USP37: variants seen among roughly 807,000 people sequenced by gnomAD.
USP37 encodes ubiquitin specific peptidase 37.
Under a neutral mutation model 124.0 loss-of-function variants are expected in USP37, and 27 were observed. That is an observed-to-expected ratio of 0.22 (90% confidence interval 0.16 to 0.30). USP37 has a LOEUF of 0.30. USP37 is among the 10% of genes least tolerant of loss of function. The probability of loss-of-function intolerance (pLI) is 1.00; values close to 1 mark genes in which losing one functional copy is unlikely to be tolerated. For missense variants in USP37, 889 were observed against 1,140.4 expected, an observed-to-expected ratio of 0.78 and a Z score of 3.17; for synonymous variants, 365 against 388.0, an observed-to-expected ratio of 0.94 and a Z score of 0.70.
At position 218,455,630 on chromosome 2, in the gene USP37, G is replaced by A. The variant is rs762286951; in HGVS notation, c.2802C>T (p.Ala934=). 17 of 1,613,962 alleles carry A rather than the reference G, an allele frequency of 1.1e-5. No homozygotes were observed. The highest frequency in any genetic ancestry group is 6.6e-5 in the South Asian group (6 of 91,078). Residue 934 remains alanine, a synonymous_variant, in exon 25 of 26, where the codon GCC becomes GCT. Coordinates refer to ENST00000258399, the MANE Select transcript of USP37 (RefSeq NM_020935.3). ...DLEVSKIQEA[A]VQSDRDRSGY... Reference sequence around the variant, plus strand: ...CACTCCGATCTCGATCACTCTGCACGGCAGCCTCTTGGATTTTTGATACCT... The same window carrying A: ...CACTCCGATCTCGATCACTCTGCACAGCAGCCTCTTGGATTTTTGATACCT...
chr2:218,557,789 G>C (rs1239717159), intron 4 of USP37, among the ~76,000 whole-genome samples: 1 of 146,054 alleles, frequency 6.8e-6, no homozygotes, highest in Non-Finnish European at 1.5e-5. Context: ...AAATTAGCCA[G>C]GAGTGGTGGC....
At chr2:218,487,694 C>T (rs1239482158) in intron 15 of USP37, among the ~76,000 whole-genome samples, 1 of 151,926 alleles carries the variant, frequency 6.6e-6, no homozygotes, top group East Asian at 1.9e-4. Flanking sequence ...GCTGGGATTA[C>T]AGGTGTGAGC....
At chr2:218,505,025 T>A (rs1416577591) in intron 11 of USP37, among the ~76,000 whole-genome samples, 1 of 152,014 alleles carries the variant, frequency 6.6e-6, no homozygotes, top group African/African-American at 2.4e-5. Context: ...GAAAAAAAAA[T>A]TTGGGGGGAA....
At chr2:218,472,658 G>A (rs1479266076) in intron 20 of USP37, among the ~76,000 whole-genome samples, 1 of 151,806 alleles carries the variant, frequency 6.6e-6, no homozygotes, top group Non-Finnish European at 1.5e-5. Context: ...TAGAGATGGG[G>A]TTTCACCATG....
chr2:218,554,067 T>C (rs1692808674), intron 4 of USP37, among the ~76,000 whole-genome samples: 1 of 152,222 alleles, frequency 6.6e-6, no homozygotes, highest in African/African-American at 2.4e-5. Flanking sequence ...ATGAAAACTT[T>C]TTATTTTATA....
At position 218,503,740 on chromosome 2, in the gene USP37, G is replaced by A. The variant is rs549454566; in HGVS notation, c.1026-5583C>T. Among the ~76,000 whole-genome samples the A allele has an allele frequency of 2.0e-5, 3 of 152,032 alleles. No homozygotes were observed. In the East Asian group the frequency reaches 5.8e-4, roughly 29 times the overall value. On this transcript the variant is annotated intron_variant, in intron 11 of 25. Coordinates refer to ENST00000258399, the MANE Select transcript of USP37 (RefSeq NM_020935.3). Reference sequence around the variant, plus strand: ...CAAAAAAGAAAAAGAAAAAGAAAAAGCAGTAAAATGTATGATAACAGTATA... The same window carrying A: ...CAAAAAAGAAAAAGAAAAAGAAAAAACAGTAAAATGTATGATAACAGTATA...
chr2:218,466,082 C>T lies in USP37; in HGVS notation c.2394G>A (p.Gln798=). The change falls in exon 21 of 26, where the codon CAG becomes CAA. Residue 798 remains glutamine (Q), a synonymous_variant. Transcript: ENST00000258399. ...CCCTTTCACGCTCCATATCATACTG[C>T]TGGAGCCAATCAACTTCTCCCTGAG... ...EGSQGEVDWL[Q]QYDMEREREE... 1.2e-6 allele frequency: 2 copies of T among 1,614,028 alleles called. No individual in the cohort carries two copies. The highest frequency in any genetic ancestry group is 1.7e-6 in the Non-Finnish European group (2 of 1,180,010).
chr2:218,519,989 G>A (rs531190705), intron 10 of USP37, among the ~76,000 whole-genome samples: 1 of 152,224 alleles, frequency 6.6e-6, no homozygotes, highest in Non-Finnish European at 1.5e-5. Context: ...CCATGCTGGA[G>A]TACAATGGTG....
At chr2:218,563,288 T>TA (rs1693412448) in intron 1 of USP37, among the ~76,000 whole-genome samples, 1 of 151,946 alleles carries the variant, frequency 6.6e-6, no homozygotes, top group Admixed American at 6.6e-5. Flanking sequence ...GAGACACACA[T>TA]AAAAGATCAA....
Position 218,487,661 on chromosome 2 carries a change from C to T in USP37, c.1590+643G>A, listed in dbSNP as rs554350587. Among the ~76,000 whole-genome samples, 553 of 152,064 alleles carry T rather than the reference C, an allele frequency of 3.6e-3. 1 individual carries two copies. Among genetic ancestry groups the T allele is most frequent in the Non-Finnish European group, 6.1e-3 (413 of 67,976 alleles). On this transcript the variant is annotated intron_variant, in intron 15 of 25. Coordinates refer to ENST00000258399, the MANE Select transcript of USP37 (RefSeq NM_020935.3). ...ATCTTGATCTCTTGACCTTGTGAACCGCCTGCCTTGGCCTCCCAAAGTGCT... is the reference window on the plus strand; with the variant it reads ...ATCTTGATCTCTTGACCTTGTGAACTGCCTGCCTTGGCCTCCCAAAGTGCT...
chr2:218,464,916 A>G (rs1027941826), intron 21 of USP37, among the ~76,000 whole-genome samples: 1 of 151,002 alleles, frequency 6.6e-6, no homozygotes, highest in African/African-American at 2.4e-5. Context: ...CACTGTCTTT[A>G]CTAAAAATAA....
At chr2:218,496,379 CCCTT>C (rs1339344790) in intron 13 of USP37, among the ~76,000 whole-genome samples, 3 of 151,842 alleles carry the variant, frequency 2.0e-5, no homozygotes, top group Non-Finnish European at 2.9e-5. Context: ...ACAGTGAAAA[CCCTT>C]GAAAGTCAAT....
Position 218,452,192 on chromosome 2 carries a change from T to C in USP37, c.*2738A>G, listed in dbSNP as rs978841818. The stretch of plus-strand genomic sequence containing the variant: ...TAATTGCCATCAAGTTCCAATTCAA[T>C]GTCATTTAAAGTAATGTAACCACAC... On this transcript the variant is annotated 3_prime_UTR_variant, in exon 26 of 26. Transcript: ENST00000258399. 6.6e-6 allele frequency: 1 copy of C among 152,126 alleles called. No homozygotes were observed. Among genetic ancestry groups the C allele is most frequent in the South Asian group, 2.1e-4 (1 of 4,828 alleles). 9.4% of individuals were successfully genotyped at this position (152,126 alleles called of 1,614,324 possible).
intron 11 of USP37, among the ~76,000 whole-genome samples, chr2:218,499,303 C>A (rs199856101): frequency 1.4e-5 from 2 of 144,826 alleles, no homozygotes; most frequent in Non-Finnish European, 3.1e-5. Context: ...CAAAAAAAAA[C>A]CTTTTAATTT....
intron 13 of USP37, among the ~76,000 whole-genome samples, 182 bp from the exon 14 acceptor site, chr2:218,496,132 A>G (rs1689067457): frequency 6.6e-6 from 1 of 152,108 alleles, no homozygotes; most frequent in African/African-American, 2.4e-5. Context: ...CATCTTTATT[A>G]AAAATACAAA....
chr2:218,531,921 G>A (rs542510504), intron 9 of USP37, among the ~76,000 whole-genome samples: 3 of 152,290 alleles, frequency 2.0e-5, no homozygotes, highest in Non-Finnish European at 2.9e-5. Flanking sequence ...TGCTTCCTAC[G>A]GATGAGCAAA....
At chr2:218,503,494 T>C (rs2105996296) in intron 11 of USP37, among the ~76,000 whole-genome samples, 1 of 152,264 alleles carries the variant, frequency 6.6e-6, no homozygotes, top group East Asian at 1.9e-4. Context: ...GGCGGGCAGA[T>C]CACCTGAGGT....
At chr2:218,486,195 A>C (rs1028828656) in intron 15 of USP37, 1 of 153,248 alleles carries the variant, frequency 6.5e-6, no homozygotes, top group Non-Finnish European at 1.5e-5. Flanking sequence ...TTCTCGTGAC[A>C]GCCCACTAAG....
At position 218,534,762 on chromosome 2, in the gene USP37, A is replaced by G. The variant is rs1451957098; in HGVS notation, c.681-56T>C. ...ACAGGTGTATAAAAATATTGTTCTT[A>G]ATTTTAAATAGTTGTCATTAAAACA... On this transcript the variant is annotated intron_variant, in intron 8 of 25. Transcript: ENST00000258399. The G allele has an allele frequency of 3.4e-6, 4 of 1,167,088 alleles. No homozygotes were observed. The African/African-American group carries it at 6.3e-5, about 18-fold the overall frequency. The allele number at this position is 1,167,088 out of a possible 1,614,324, so 72.3% of individuals were successfully genotyped here.
Sources: allele counts gnomAD v4.1 joint callset (sites outside exome capture counted in the v4.1 genomes callset), GRCh38; gene constraint gnomAD v4.1.1; transcripts MANE v1.5; gene names NCBI Gene and HGNC (gene_info 2026-07-23, HGNC 2026-07-21).